ZNF76: variants seen among roughly 807,000 people sequenced by gnomAD.
ZNF76 encodes zinc finger protein 523.
In ZNF76, 66 loss-of-function variants were observed where a neutral mutation model predicts 66.9. The ratio of observed to expected loss-of-function variants is 0.99; its 90% CI spans 0.81 to 1.21. The LOEUF is 1.21. Among genes scored for constraint, ZNF76 ranks in the 50% most tolerant of loss-of-function variants. The pLI, the probability that ZNF76 is intolerant of heterozygous loss-of-function variation, is 0.00. For missense variants in ZNF76, 729 were observed against 760.3 expected, an observed-to-expected ratio of 0.96 and a Z score of 0.48; for synonymous variants, 275 against 296.1, an observed-to-expected ratio of 0.93 and a Z score of 0.73.
In ZNF76 at chr6:35,295,257, G is replaced by T; in HGVS notation, c.*9G>T. On this transcript the variant is annotated 3_prime_UTR_variant, in exon 14 of 14. Transcript: ENST00000373953. ...CGGAGAGTGGCTGCTGAGTCCAAGAGGGCTGGGTCCCACACCATGCTGGAG... is the reference window on the plus strand; with the variant it reads ...CGGAGAGTGGCTGCTGAGTCCAAGATGGCTGGGTCCCACACCATGCTGGAG... 6.3e-7 allele frequency: 1 copy of T among 1,591,308 alleles called. No individual in the cohort carries two copies.
At chr6:35,260,534 C>G (rs1451064653) in intron 1 of ZNF76, among the ~76,000 whole-genome samples, 1 of 152,188 alleles carries the variant, frequency 6.6e-6, no homozygotes, top group Non-Finnish European at 1.5e-5. Flanking sequence ...CAGCACATGA[C>G]TTACAAGCGT....
intron 1 of ZNF76, among the ~76,000 whole-genome samples, chr6:35,264,275 TC>T (rs1250506246): frequency 2.6e-5 from 4 of 152,220 alleles, no homozygotes; most frequent in Non-Finnish European, 5.9e-5. Flanking sequence ...TTTAGACACT[TC>T]CTTTTTTAGT....
chr6:35,294,370 C>T lies in ZNF76; in HGVS notation c.1495-86C>T. ...CCATTCTCTTCTGGGTTGTTCCCAG[C>T]ACCTTAATTGGAGGGATGTTTATTT... On this transcript the variant is annotated intron_variant, in intron 12 of 13. Transcript: ENST00000373953. The T allele has an allele frequency of 1.2e-5, 11 of 927,904 alleles. No individual in the cohort carries two copies. In the South Asian group the frequency reaches 1.4e-4, roughly 12 times the overall value. The allele number at this position is 927,904 out of a possible 1,614,324, so 57.5% of individuals were successfully genotyped here.
intron 2 of ZNF76, 59 bp downstream of exon 2, chr6:35,281,283 G>A (rs1045332000): frequency 1.3e-6 from 2 of 1,546,006 alleles, no homozygotes; most frequent in Non-Finnish European, 1.8e-6. Flanking sequence ...GGAAAGGAGT[G>A]TCCATTTCTA....
At chr6:35,265,720 C>T (rs1785946502) in intron 1 of ZNF76, among the ~76,000 whole-genome samples, 2 of 151,794 alleles carry the variant, frequency 1.3e-5, no homozygotes, top group African/African-American at 4.8e-5. Context: ...CAGGAATGTG[C>T]CCTATATATT....
Position 35,295,246 on chromosome 6 carries a change from T to C in ZNF76, c.1711T>C (p.Ter571ArgextTer29). 1 of 1,600,842 alleles carries C rather than the reference T, an allele frequency of 6.2e-7. No individual in the cohort carries two copies. The highest frequency in any genetic ancestry group is 8.5e-7 in the Non-Finnish European group (1 of 1,174,098). The change falls in exon 14 of 14, where the codon TGA (stop) becomes CGA (arginine). Residue 571 changes from the stop codon to arginine (R), a stop_lost. Coordinates refer to ENST00000373953, the MANE Select transcript of ZNF76 (RefSeq NM_003427.5). ...GACAACAGTGTCGGAGAGTGGCTGC[T>C]GAGTCCAAGAGGGCTGGGTCCCACA... ...LETTVSESGC[*>R]
chr6:35,291,150 G>T, intron 7 of ZNF76, 128 bp from the exon 8 acceptor site: 1 of 1,296,796 alleles, frequency 7.7e-7, no homozygotes, highest in South Asian at 1.4e-5. Context: ...CCCAGGGCAG[G>T]GGTGGGATAG....
chr6:35,275,575 T>C (rs1787770692), intron 1 of ZNF76, among the ~76,000 whole-genome samples: 1 of 152,166 alleles, frequency 6.6e-6, no homozygotes, highest in African/African-American at 2.4e-5. Flanking sequence ...CACTGGTAGA[T>C]GCCTAGCAGC....
At chr6:35,263,071 T>C (rs561838923) in intron 1 of ZNF76, among the ~76,000 whole-genome samples, 2 of 152,248 alleles carry the variant, frequency 1.3e-5, no homozygotes, top group Non-Finnish European at 1.5e-5. Context: ...TCCAGGGCCA[T>C]GCGTATGCCC....
intron 1 of ZNF76, among the ~76,000 whole-genome samples, chr6:35,272,965 C>A (rs952284394): frequency 6.6e-6 from 1 of 152,018 alleles, no homozygotes; most frequent in African/African-American, 2.4e-5. Context: ...ACCAGCCAGG[C>A]CAACATGGCG....
chr6:35,290,799 C>T, intron 7 of ZNF76, 83 bp downstream of exon 7: 2 of 1,325,300 alleles, frequency 1.5e-6, no homozygotes, highest in Non-Finnish European at 2.2e-6. Context: ...AACCCAACAC[C>T]AGGCTGCTTT....
chr6:35,278,933 G>A (rs1788332320), intron 1 of ZNF76, among the ~76,000 whole-genome samples: 1 of 152,218 alleles, frequency 6.6e-6, no homozygotes, highest in Non-Finnish European at 1.5e-5. Context: ...CCAAAGCCTT[G>A]TGTAGGCAAC....
At chr6:35,276,116 A>C (rs552239234) in intron 1 of ZNF76, among the ~76,000 whole-genome samples, 2 of 152,296 alleles carry the variant, frequency 1.3e-5, no homozygotes, top group South Asian at 4.1e-4. Flanking sequence ...CTTCCTCATC[A>C]GTTATTTTTA....
chr6:35,291,813 C>T, intron 9 of ZNF76, 76 bp downstream of exon 9: 1 of 1,534,536 alleles, frequency 6.5e-7, no homozygotes, highest in Non-Finnish European at 8.8e-7. Context: ...ATCTAAGACA[C>T]ATTCCCAACT....
chr6:35,260,124 C>T lies in ZNF76; in HGVS notation c.-97+283C>T, dbSNP rs115865960. On this transcript the variant is annotated intron_variant, in intron 1 of 13. Coordinates refer to ENST00000373953, the MANE Select transcript of ZNF76 (RefSeq NM_003427.5). Reference sequence around the variant, plus strand: ...CCACCCACTGACCCCAAGACCTCACCAGGTAACCGTTGGTTATTATTCATT... The same window carrying T: ...CCACCCACTGACCCCAAGACCTCACTAGGTAACCGTTGGTTATTATTCATT... 5.2e-3 allele frequency among the ~76,000 whole-genome samples: 785 copies of T among 152,196 alleles called. 3 individuals carry two copies. The highest frequency in any genetic ancestry group is 0.014 in the Middle Eastern group (4 of 294).
chr6:35,274,569 T>A (rs1335471620), intron 1 of ZNF76, among the ~76,000 whole-genome samples: 1 of 152,176 alleles, frequency 6.6e-6, no homozygotes, highest in African/African-American at 2.4e-5. Flanking sequence ...AGATCCAAAG[T>A]ATCTAAAAAG....
At chr6:35,268,599 A>G (rs1786511299) in intron 1 of ZNF76, among the ~76,000 whole-genome samples, 1 of 152,108 alleles carries the variant, frequency 6.6e-6, no homozygotes, top group Admixed American at 6.5e-5. Context: ...CAGGAATTCA[A>G]GACCAGCCTG....
At chr6:35,286,441 A>G in intron 4 of ZNF76, 42 bp downstream of exon 4, 1 of 1,584,890 alleles carries the variant, frequency 6.3e-7, no homozygotes, top group Middle Eastern at 1.7e-4. Context: ...GATGGGAGGC[A>G]GGACTGGAGG....
chr6:35,266,333 A>G (rs558016176), intron 1 of ZNF76, among the ~76,000 whole-genome samples: 6 of 152,106 alleles, frequency 3.9e-5, no homozygotes, highest in African/African-American at 1.4e-4. Flanking sequence ...TTGTATTTTT[A>G]GTAGAGATGG....
Sources: gnomAD v4.1 joint callset for allele counts (sites outside exome capture counted in the v4.1 genomes callset) on GRCh38, gnomAD v4.1.1 for gene constraint, MANE v1.5 for transcripts, NCBI Gene and HGNC (gene_info 2026-07-23, HGNC 2026-07-21) for gene names.